The following CFAP95 variants were observed in gnomAD, a reference collection of about 807,000 sequenced individuals.
The protein encoded by CFAP95 is cilia and flagella associated protein 95, also known as cilia- and flagella-associated protein 95.
At chr9:69,895,359 C>CTGTGTGTGTGTGTGTGTGTG in the CFAP95 span, among the ~76,000 whole-genome samples, 1 of 97,290 alleles carries the variant, frequency 1.0e-5, no homozygotes, top group Non-Finnish European at 2.2e-5. Flanking sequence ...CTCTCTCTCT[C>CTGTGTGTGTGTGTGTGTGTG]TCTCTCTCTC....
chr9:69,895,667 A>G, the CFAP95 span, among the ~76,000 whole-genome samples: 1 of 152,124 alleles, frequency 6.6e-6, no homozygotes, highest in Non-Finnish European at 1.5e-5. Flanking sequence ...CTTGTGTATC[A>G]CCAACAGTAG....
chr9:69,879,080 C>A, the CFAP95 span, among the ~76,000 whole-genome samples: 1 of 152,164 alleles, frequency 6.6e-6, no homozygotes, highest in Non-Finnish European at 1.5e-5. Flanking sequence ...CCAGGCCTCA[C>A]CTCCAGTATT....
chr9:69,896,218 G>A, the CFAP95 span, among the ~76,000 whole-genome samples: 14 of 152,094 alleles, frequency 9.2e-5, no homozygotes, highest in Non-Finnish European at 5.9e-5. Context: ...TGAAGAATAA[G>A]AAAAATCGTA....
the CFAP95 span, among the ~76,000 whole-genome samples, chr9:69,829,013 C>A: frequency 5.9e-5 from 9 of 152,274 alleles, no homozygotes; most frequent in East Asian, 1.7e-3. Flanking sequence ...TATTATGAGC[C>A]TTTTAAAAAT....
chr9:69,860,803 C>T, the CFAP95 span, among the ~76,000 whole-genome samples: 679 of 152,204 alleles, frequency 4.5e-3, 4 homozygotes, highest in African/African-American at 0.016. Flanking sequence ...TAGGCCTACA[C>T]AGGGTCCGGA....
chr9:69,862,870 G>A, the CFAP95 span, among the ~76,000 whole-genome samples: 1 of 152,086 alleles, frequency 6.6e-6, no homozygotes, highest in Non-Finnish European at 1.5e-5. Context: ...CTCCATAAGT[G>A]GGTAGCAAAC....
chr9:69,855,784 A>G, the CFAP95 span, among the ~76,000 whole-genome samples: 1 of 152,220 alleles, frequency 6.6e-6, no homozygotes, highest in African/African-American at 2.4e-5. Flanking sequence ...ATACTCTTGC[A>G]GTTGAAGGCT....
At chr9:69,843,550 TCCTC>T in the CFAP95 span, among the ~76,000 whole-genome samples, 43 of 21,078 alleles carry the variant, frequency 2.0e-3, 6 homozygotes, top group Admixed American at 4.0e-3. Context: ...CTCCTCCTCC[TCCTC>T]CTCCTTCTTC....
chr9:69,886,752 A>G, the CFAP95 span: 1 of 953,252 alleles, frequency 1.0e-6, no homozygotes, highest in East Asian at 2.6e-5. Flanking sequence ...AAATGTTTTT[A>G]TTTCATGTAA....
At chr9:69,871,414 C>T in the CFAP95 span, among the ~76,000 whole-genome samples, 1 of 151,926 alleles carries the variant, frequency 6.6e-6, no homozygotes, top group African/African-American at 2.4e-5. Flanking sequence ...GGTTTTTGAG[C>T]ATACGGTAGG....
chr9:69,836,275 A>T, the CFAP95 span, among the ~76,000 whole-genome samples: 1 of 151,936 alleles, frequency 6.6e-6, no homozygotes, highest in East Asian at 1.9e-4. Flanking sequence ...TCTGGGGTGC[A>T]ACTGTTCTCT....
At chr9:69,884,603 C>G in the CFAP95 span, 1 of 152,100 alleles carries the variant, frequency 6.6e-6, no homozygotes, top group African/African-American at 2.4e-5. Flanking sequence ...CCTCCTGCCT[C>G]AACCTCCTGA....
At chr9:69,876,368 A>G in the CFAP95 span, among the ~76,000 whole-genome samples, 1 of 151,990 alleles carries the variant, frequency 6.6e-6, no homozygotes, top group African/African-American at 2.4e-5. Flanking sequence ...CCCCATCTCT[A>G]CTAAAAATAC....
the CFAP95 span, among the ~76,000 whole-genome samples, chr9:69,895,283 C>T: frequency 1.3e-4 from 19 of 151,390 alleles, no homozygotes; most frequent in African/African-American, 4.6e-4. Context: ...AGAAATCCTT[C>T]CTGAGTTACT....
At chr9:69,843,500 T>TC in the CFAP95 span, among the ~76,000 whole-genome samples, 1 of 5,926 alleles carries the variant, frequency 1.7e-4, no homozygotes, top group African/African-American at 1.1e-3. Context: ...TTCCTCCTCC[T>TC]CCCCCCCTCC....
At chr9:69,884,540 G>A in the CFAP95 span, 1 of 152,030 alleles carries the variant, frequency 6.6e-6, no homozygotes, top group Non-Finnish European at 1.5e-5. Flanking sequence ...ACTTAGTGTG[G>A]ACACCCCATA....
At chr9:69,886,981 G>A in the CFAP95 span, 1 of 990,416 alleles carries the variant, frequency 1.0e-6, no homozygotes, top group South Asian at 1.4e-5. Context: ...GGGAAGAAAG[G>A]AGAAATTGCT....
the CFAP95 span, among the ~76,000 whole-genome samples, chr9:69,868,589 C>T: frequency 3.4e-5 from 5 of 147,130 alleles, no homozygotes; most frequent in Admixed American, 1.4e-4. Context: ...AGCTGGGAGG[C>T]AGAGGTTGCA....
At chr9:69,877,000 G>C in the CFAP95 span, among the ~76,000 whole-genome samples, 1 of 152,156 alleles carries the variant, frequency 6.6e-6, no homozygotes, top group Non-Finnish European at 1.5e-5. Flanking sequence ...TTTGTTTATA[G>C]TATCTTTTGA....
Sources: allele counts gnomAD v4.1 joint callset (sites outside exome capture counted in the v4.1 genomes callset), GRCh38; gene constraint gnomAD v4.1.1; transcripts MANE v1.5; gene names NCBI Gene and HGNC (gene_info 2026-07-23, HGNC 2026-07-21).